Variants in GRM1 observed in about 807,000 individuals in gnomAD.
The protein encoded by GRM1 is metabotropic glutamate receptor 1.
Under a neutral mutation model 90.9 loss-of-function variants are expected in GRM1, and 33 were observed. The observed-to-expected ratio is 0.36, with a 90% CI of 0.28 to 0.49. GRM1 has a LOEUF of 0.49. GRM1 is among the 20% of genes least tolerant of loss of function. The pLI, the probability that GRM1 is intolerant of heterozygous loss-of-function variation, is 0.99. For synonymous variants in GRM1, 700 were observed against 613.2 expected, an observed-to-expected ratio of 1.14 and a Z score of -2.09; for missense variants, 1,190 against 1,534.3, an observed-to-expected ratio of 0.78 and a Z score of 3.75.
In GRM1 at chr6:146,292,602, CA is replaced by C. The variant is rs1253917161; in HGVS notation, c.951-12003del. On this transcript the variant is annotated intron_variant, in intron 2 of 7. Coordinates refer to ENST00000282753, the MANE Select transcript of GRM1 (RefSeq NM_001278064.2). ...CATATCCAGTAAGATGGCTAGAATTCAAAAAATGTAGATAACAATAATTAAT... is the reference window on the plus strand; with the variant it reads ...CATATCCAGTAAGATGGCTAGAATTCAAAAATGTAGATAACAATAATTAAT... Among the ~76,000 whole-genome samples, 4 of 151,824 alleles carry C rather than the reference CA, an allele frequency of 2.6e-5. No individual in the cohort carries two copies. In the South Asian group the frequency reaches 6.2e-4, roughly 24 times the overall value.
chr6:146,221,691 A>T (rs1320669652), intron 2 of GRM1, among the ~76,000 whole-genome samples: 1 of 152,110 alleles, frequency 6.6e-6, no homozygotes, highest in African/African-American at 2.4e-5. Context: ...AATGATTTAT[A>T]ATCCTTTGGG....
intron 5 of GRM1, 41 bp from the exon 6 acceptor site, chr6:146,386,849 G>C: frequency 6.5e-7 from 1 of 1,541,408 alleles, no homozygotes; most frequent in Non-Finnish European, 9.0e-7. Context: ...AGCTTTTCTG[G>C]GAAAACTATC....
At chr6:146,367,023 CAT>C (rs1775717907) in intron 5 of GRM1, among the ~76,000 whole-genome samples, 1 of 150,352 alleles carries the variant, frequency 6.7e-6, no homozygotes. Context: ...CTAGCAGTTT[CAT>C]AGTTTCAGCT....
chr6:146,121,610 T>A (rs1239989649), intron 1 of GRM1, among the ~76,000 whole-genome samples: 1 of 152,210 alleles, frequency 6.6e-6, no homozygotes, highest in Non-Finnish European at 1.5e-5. Context: ...GCTTTAAATG[T>A]GTCCCAGAGA....
Position 146,292,934 on chromosome 6 carries a change from C to T in GRM1, c.951-11677C>T, listed in dbSNP as rs1044869894. On this transcript the variant is annotated intron_variant, in intron 2 of 7. Transcript: ENST00000282753. ...CTGATACGATGTAATACTATACATC[C>T]GTACAAAGGAATGAAGCACTGATAT... is the stretch of plus-strand genomic sequence containing the variant. 2.6e-5 allele frequency among the ~76,000 whole-genome samples: 4 copies of T among 151,786 alleles called. No individual in the cohort carries two copies. The East Asian group carries it at 5.8e-4, about 22-fold the overall frequency.
chr6:146,143,539 G>A (rs149901942), intron 1 of GRM1, among the ~76,000 whole-genome samples: 59 of 152,280 alleles, frequency 3.9e-4, no homozygotes, highest in Admixed American at 9.8e-4. Context: ...TATGTTGGGT[G>A]TTTCTGCAGG....
intron 5 of GRM1, among the ~76,000 whole-genome samples, chr6:146,365,775 C>T (rs558337415): frequency 4.6e-5 from 7 of 152,238 alleles, no homozygotes; most frequent in Non-Finnish European, 8.8e-5. Flanking sequence ...ACCTGACCAC[C>T]ATATGCAAAA....
intron 3 of GRM1, among the ~76,000 whole-genome samples, chr6:146,332,485 C>T (rs1424120225): frequency 6.6e-6 from 1 of 152,236 alleles, no homozygotes; most frequent in Non-Finnish European, 1.5e-5. Context: ...CACATGACCT[C>T]TCTGGCAACA....
intron 1 of GRM1, among the ~76,000 whole-genome samples, chr6:146,088,698 A>G (rs146935503): frequency 3.9e-5 from 6 of 152,262 alleles, no homozygotes; most frequent in African/African-American, 1.4e-4. Context: ...ACTAATCAAG[A>G]TGCATTTACC....
At chr6:146,140,282 T>C (rs1776822536) in intron 1 of GRM1, among the ~76,000 whole-genome samples, 1 of 151,634 alleles carries the variant, frequency 6.6e-6, no homozygotes, top group South Asian at 2.1e-4. Context: ...ATTATTATTA[T>C]TTTTTGAGAC....
intron 5 of GRM1, among the ~76,000 whole-genome samples, chr6:146,386,356 C>G (rs1776502094): frequency 6.6e-6 from 1 of 152,058 alleles, no homozygotes. Flanking sequence ...CAGGGCAATA[C>G]TTGATTCTTC....
intron 1 of GRM1, among the ~76,000 whole-genome samples, chr6:146,117,982 ACTCTGTCTC>A (rs1160844364): frequency 6.6e-6 from 1 of 151,572 alleles, no homozygotes; most frequent in Non-Finnish European, 1.5e-5. Flanking sequence ...ATTACTTAAT[ACTCTGTCTC>A]CTTTTGTTTT....
intron 2 of GRM1, among the ~76,000 whole-genome samples, chr6:146,300,983 G>A (rs1330310732): frequency 6.6e-6 from 1 of 152,144 alleles, no homozygotes; most frequent in Non-Finnish European, 1.5e-5. Flanking sequence ...AAATGCATTT[G>A]ACAGGTGATA....
intron 5 of GRM1, among the ~76,000 whole-genome samples, chr6:146,375,908 AT>A (rs985088225): frequency 6.6e-5 from 10 of 151,638 alleles, no homozygotes; most frequent in African/African-American, 2.4e-4. Flanking sequence ...CCATTTTGTT[AT>A]TTGTTTTCTG....
At chr6:146,288,508 T>G (rs1217272635) in intron 2 of GRM1, among the ~76,000 whole-genome samples, 1 of 152,024 alleles carries the variant, frequency 6.6e-6, no homozygotes, top group East Asian at 1.9e-4. Context: ...GTTTTTTTGG[T>G]TTTGTTTTGG....
At chr6:146,069,999 A>G (rs991409431) in intron 1 of GRM1, among the ~76,000 whole-genome samples, 4 of 152,166 alleles carry the variant, frequency 2.6e-5, no homozygotes, top group African/African-American at 9.7e-5. Flanking sequence ...TATCTCCCAT[A>G]ATAAATACCC....
At chr6:146,142,369 A>T (rs1234499775) in intron 1 of GRM1, among the ~76,000 whole-genome samples, 1 of 152,166 alleles carries the variant, frequency 6.6e-6, no homozygotes, top group Non-Finnish European at 1.5e-5. Flanking sequence ...CTAGCACAGC[A>T]GTGTGGAACT....
At chr6:146,169,796 A>G (rs575931733) in intron 2 of GRM1, among the ~76,000 whole-genome samples, 1 of 152,158 alleles carries the variant, frequency 6.6e-6, no homozygotes, top group African/African-American at 2.4e-5. Context: ...CAGTTGGTTC[A>G]TATATTTTAT....
intron 1 of GRM1, among the ~76,000 whole-genome samples, chr6:146,081,266 G>A (rs1216237960): frequency 6.6e-6 from 1 of 152,154 alleles, no homozygotes; most frequent in Non-Finnish European, 1.5e-5. Flanking sequence ...TGTATTTTCT[G>A]TAAATCTGAA....
Sources: allele counts gnomAD v4.1 joint callset (sites outside exome capture counted in the v4.1 genomes callset), GRCh38; gene constraint gnomAD v4.1.1; transcripts MANE v1.5; gene names NCBI Gene and HGNC (gene_info 2026-07-23, HGNC 2026-07-21).